Variants in HPSE2 observed in about 807,000 individuals in gnomAD.
The protein encoded by HPSE2 is inactive heparanase-2.
In HPSE2, 38 loss-of-function variants were observed where a neutral mutation model predicts 60.5. The ratio of observed to expected loss-of-function variants is 0.63; its 90% CI spans 0.48 to 0.82. The LOEUF (loss-of-function observed/expected upper bound fraction) is 0.82, where lower values mean the gene tolerates loss of function less well. Ranked by LOEUF, HPSE2 falls within the 40% of genes least tolerant of loss-of-function variation. The pLI is 0.00. For missense variants in HPSE2, 713 were observed against 740.4 expected (o/e 0.96, Z 0.43); for synonymous variants, 295 against 293.2 (o/e 1.01, Z -0.06).
chr10:99,013,234 C>T, intron 3 of HPSE2: 4 of 656,612 alleles, frequency 6.1e-6, no homozygotes, highest in African/African-American at 1.8e-5. Context: ...GAGATTTCTG[C>T]TACAGTTATG....
intron 2 of HPSE2, among the ~76,000 whole-genome samples, chr10:99,181,089 T>G (rs1847749269): frequency 6.6e-6 from 1 of 152,098 alleles, no homozygotes; most frequent in East Asian, 1.9e-4. Flanking sequence ...CAAAGGATTA[T>G]AAATCATTCT....
At chr10:99,274,713 G>A in the HPSE2 span, among the ~76,000 whole-genome samples, 2 of 152,224 alleles carry the variant, frequency 1.3e-5, no homozygotes, top group Non-Finnish European at 2.9e-5. Context: ...TTCTGTCTGA[G>A]ATTAGTTATT....
intron 3 of HPSE2, chr10:99,047,845 T>C (rs1564763789): frequency 3.8e-6 from 3 of 786,412 alleles, no homozygotes; most frequent in Non-Finnish European, 6.8e-6. Flanking sequence ...GAACTGAAAT[T>C]TGAATGGCGA....
chr10:98,647,826 G>A (rs1052373411), intron 6 of HPSE2, among the ~76,000 whole-genome samples: 1 of 152,104 alleles, frequency 6.6e-6, no homozygotes, highest in Non-Finnish European at 1.5e-5. Flanking sequence ...GGGCAGGAAC[G>A]CTTAGATGAA....
chr10:98,461,448 G>T (rs1221376806), intron 11 of HPSE2, among the ~76,000 whole-genome samples: 6 of 152,218 alleles, frequency 3.9e-5, no homozygotes. Context: ...CATCAGATAT[G>T]CAAGGAGCTT....
At chr10:99,267,521 C>T in the HPSE2 span, among the ~76,000 whole-genome samples, 11 of 152,220 alleles carry the variant, frequency 7.2e-5, no homozygotes, top group South Asian at 2.1e-4. Flanking sequence ...TGGTGGCTCA[C>T]GCCTGTAATC....
chr10:98,777,934 G>A lies in HPSE2; in HGVS notation c.611-33878C>T, dbSNP rs80143390. Among the ~76,000 whole-genome samples the A allele has an allele frequency of 2.8e-3, 427 of 152,130 alleles. 1 individual carries two copies. Among genetic ancestry groups the A allele is most frequent in the African/African-American group, 9.4e-3 (389 of 41,518 alleles). On this transcript the variant is annotated intron_variant, in intron 3 of 11. Coordinates refer to ENST00000370552, the MANE Select transcript of HPSE2 (RefSeq NM_021828.5). ...CCTTCATGGCACAGGTATGCCTAAC[G>A]CAAACATACTAGACACAGCAACACG...
At position 98,823,098 on chromosome 10, in the gene HPSE2, T is replaced by C. The variant is rs75437111; in HGVS notation, c.611-79042A>G. Among the ~76,000 whole-genome samples the C allele has an allele frequency of 9.2e-3, 1,400 of 152,180 alleles. 23 individuals carry two copies. Among genetic ancestry groups the C allele is most frequent in the African/African-American group, 0.031 (1,297 of 41,528 alleles). On this transcript the variant is annotated intron_variant, in intron 3 of 11. Coordinates refer to ENST00000370552, the MANE Select transcript of HPSE2 (RefSeq NM_021828.5). ...TATGTTATGCTTCTGGCTTTGAAGA[T>C]GGAAGAAAGGAGCCAGAAGCCAAAG...
intron 3 of HPSE2, among the ~76,000 whole-genome samples, chr10:98,820,316 G>A (rs946261769): frequency 2.0e-5 from 3 of 152,026 alleles, no homozygotes; most frequent in Non-Finnish European, 4.4e-5. Flanking sequence ...AGTTTCCAGG[G>A]AAAGACTATA....
intron 3 of HPSE2, among the ~76,000 whole-genome samples, chr10:99,051,126 CA>C (rs1444578204): frequency 1.3e-5 from 2 of 151,882 alleles, no homozygotes; most frequent in African/African-American, 4.8e-5. Flanking sequence ...CAGAAAAATA[CA>C]AAAAAATTAG....
chr10:98,871,409 T>C lies in HPSE2; in HGVS notation c.611-127353A>G, dbSNP rs544267554. On this transcript the variant is annotated intron_variant, in intron 3 of 11. Coordinates refer to ENST00000370552, the MANE Select transcript of HPSE2 (RefSeq NM_021828.5). ...TTTCTTTCATATATCCATAGAAGTG[T>C]TGGTATTACTGGATACTGGCTTAAA... 2.3e-3 allele frequency among the ~76,000 whole-genome samples: 351 copies of C among 152,102 alleles called. 1 individual carries two copies. The highest frequency in any genetic ancestry group is 6.8e-3 in the Middle Eastern group (2 of 294).
intron 3 of HPSE2, among the ~76,000 whole-genome samples, chr10:99,019,008 C>A (rs529337822): frequency 6.6e-6 from 1 of 152,154 alleles, no homozygotes; most frequent in Non-Finnish European, 1.5e-5. Context: ...TCAACATATG[C>A]AAAAGCTTTA....
intron 3 of HPSE2, among the ~76,000 whole-genome samples, chr10:99,105,875 G>C (rs1169337536): frequency 6.6e-6 from 1 of 151,892 alleles, no homozygotes; most frequent in Non-Finnish European, 1.5e-5. Flanking sequence ...TTGTTGAAAA[G>C]ACTAGCTTTT....
rs559765611 is a variant in HPSE2 at position 98,615,097 on chromosome 10, T to C, written c.1206-79A>G. On this transcript the variant is annotated intron_variant, in intron 8 of 11. Transcript: ENST00000370552. Reference sequence around the variant, plus strand: ...CAAGCTCTATAGAGACTGGCTACTATATACACATATACACCAATCTCCAGT... The same window carrying C: ...CAAGCTCTATAGAGACTGGCTACTACATACACATATACACCAATCTCCAGT... 60 of 931,656 alleles carry C rather than the reference T, an allele frequency of 6.4e-5. No individual in the cohort carries two copies. In the African/African-American group the frequency reaches 7.8e-4, roughly 12 times the overall value. The allele number at this position is 931,656 out of a possible 1,614,324, so 57.7% of individuals were successfully genotyped here.
At chr10:99,004,411 TC>T (rs1436523344) in intron 3 of HPSE2, among the ~76,000 whole-genome samples, 1 of 152,162 alleles carries the variant, frequency 6.6e-6, no homozygotes, top group East Asian at 1.9e-4. Flanking sequence ...TTACTTCTGA[TC>T]TTTGGTGTAT....
chr10:98,843,050 C>G (rs1951953816), intron 3 of HPSE2, among the ~76,000 whole-genome samples: 1 of 151,948 alleles, frequency 6.6e-6, no homozygotes, highest in South Asian at 2.1e-4. Flanking sequence ...TTTAATTTAA[C>G]TTCTAAGTTC....
chr10:98,832,075 T>C (rs1335035282), intron 3 of HPSE2, among the ~76,000 whole-genome samples: 4 of 152,176 alleles, frequency 2.6e-5, no homozygotes, highest in Non-Finnish European at 2.9e-5. Context: ...GAAATCCAGC[T>C]GGCACAATAC....
intron 11 of HPSE2, among the ~76,000 whole-genome samples, chr10:98,475,114 A>G (rs1940949227): frequency 7.1e-6 from 1 of 139,980 alleles, no homozygotes. Flanking sequence ...ATGGGACCAC[A>G]ATTCTATTTT....
At chr10:98,497,994 TTAGG>T (rs1382460368) in intron 9 of HPSE2, among the ~76,000 whole-genome samples, 1 of 152,186 alleles carries the variant, frequency 6.6e-6, no homozygotes, top group Non-Finnish European at 1.5e-5. Context: ...TTTGCCAGTA[TTAGG>T]GAGAGCACTT....
Sources: gnomAD v4.1 joint callset for allele counts (sites outside exome capture counted in the v4.1 genomes callset) on GRCh38, gnomAD v4.1.1 for gene constraint, MANE v1.5 for transcripts, NCBI Gene and HGNC (gene_info 2026-07-23, HGNC 2026-07-21) for gene names.